Variants in TAF8 observed in about 807,000 individuals in gnomAD.
The protein encoded by TAF8 is TATA-box binding protein associated factor 8.
Under a neutral mutation model 36.5 loss-of-function variants are expected in TAF8, and 47 were observed. The ratio of observed to expected loss-of-function variants is 1.29; its 90% CI spans 1.02 to 1.64. The LOEUF is 1.64. Ranked by LOEUF, TAF8 falls within the 40% of genes most tolerant of loss-of-function variation. The probability of loss-of-function intolerance (pLI) is 0.00; values close to 1 mark genes in which losing one functional copy is unlikely to be tolerated. For missense variants in TAF8, 420 were observed against 407.6 expected, an observed-to-expected ratio of 1.03 and a Z score of -0.26; for synonymous variants, 175 against 159.5, an observed-to-expected ratio of 1.10 and a Z score of -0.73.
chr6:42,078,337 A>T lies in TAF8; in HGVS notation c.*792A>T, dbSNP rs72855258. 79,984 of 985,308 alleles carry T rather than the reference A, an allele frequency of 0.081. 3,424 individuals carry two copies. The highest frequency in any genetic ancestry group is 0.11 in the Middle Eastern group (217 of 1,914). The allele number at this position is 985,308 out of a possible 1,614,324, so 61.0% of individuals were successfully genotyped here. Reference sequence around the variant, plus strand: ...AGGGCTCTTTGCTGCTGTGCTTATTACAAGGAAGACTGTTTGTCCAGCGTG... The same window carrying T: ...AGGGCTCTTTGCTGCTGTGCTTATTTCAAGGAAGACTGTTTGTCCAGCGTG... On this transcript the variant is annotated 3_prime_UTR_variant, in exon 9 of 9. Coordinates refer to ENST00000372977, the MANE Select transcript of TAF8 (RefSeq NM_138572.3).
downstream of TAF8, among the ~76,000 whole-genome samples, chr6:42,086,354 T>G (rs549770764): frequency 1.1e-4 from 16 of 152,352 alleles, 1 homozygote; most frequent in African/African-American, 3.6e-4. Flanking sequence ...TTATTATGAT[T>G]GAGGTGAGCT....
At chr6:42,076,693 T>A (rs1765758930) in intron 7 of TAF8, among the ~76,000 whole-genome samples, 1 of 152,196 alleles carries the variant, frequency 6.6e-6, no homozygotes, top group African/African-American at 2.4e-5. Flanking sequence ...GCTATGCAGA[T>A]GATGTGTTCT....
intron 2 of TAF8, among the ~76,000 whole-genome samples, chr6:42,055,081 G>T (rs1309867416): frequency 6.6e-6 from 1 of 151,832 alleles, no homozygotes; most frequent in East Asian, 1.9e-4. Context: ...CTACCACCAG[G>T]CCTGGCTAAT....
At chr6:42,075,542 A>G (rs955229847) in intron 7 of TAF8, among the ~76,000 whole-genome samples, 4 of 152,146 alleles carry the variant, frequency 2.6e-5, no homozygotes, top group South Asian at 4.1e-4. Flanking sequence ...GGAACCTGCT[A>G]TTTATTTCAT....
In TAF8 at chr6:42,080,695, T is replaced by A. The variant is rs1765897750; in HGVS notation, c.*3150T>A. On this transcript the variant is annotated 3_prime_UTR_variant, in exon 9 of 9. Transcript: ENST00000372977. ...CCTGGCCTCAGAGGCTATACTCTTA[T>A]AATTTTGTTCTGAGGGGAGACAGGG... 2 of 985,320 alleles carry A rather than the reference T, an allele frequency of 2.0e-6. No homozygotes were observed. Among genetic ancestry groups the A allele is most frequent in the South Asian group, 4.7e-5 (1 of 21,284 alleles). 61.0% of individuals were successfully genotyped at this position (985,320 alleles called of 1,614,324 possible).
intron 1 of TAF8, chr6:42,051,140 T>C (rs7770149): frequency 1 from 1,262,651 of 1,268,144 alleles, 628,736 homozygotes; most frequent in East Asian, 1. Context: ...TCATTGGGAC[T>C]GTACGTTTTA....
At chr6:42,084,009 G>A (rs2493840), downstream of TAF8, among the ~76,000 whole-genome samples, 17,007 of 151,656 alleles carry the variant, frequency 0.11, 1,104 homozygotes, top group African/African-American at 0.16. Flanking sequence ...GTGAAACCCC[G>A]TCTCTACTAA....
chr6:42,077,562 G>A lies in TAF8; in HGVS notation c.*17G>A. Reference sequence around the variant, plus strand: ...CTCTCCTGAGCTGAGAAGGAAACCTGGCTTGTACAGGGGCGCAGATTCCAC... The same window carrying A: ...CTCTCCTGAGCTGAGAAGGAAACCTAGCTTGTACAGGGGCGCAGATTCCAC... On this transcript the variant is annotated 3_prime_UTR_variant, in exon 9 of 9. Coordinates refer to ENST00000372977, the MANE Select transcript of TAF8 (RefSeq NM_138572.3). The A allele has an allele frequency of 6.2e-7, 1 of 1,612,468 alleles. No homozygotes were observed. The highest frequency in any genetic ancestry group is 1.7e-4 in the Middle Eastern group (1 of 6,060).
At chr6:42,073,420 C>T (rs1436634841) in intron 7 of TAF8, among the ~76,000 whole-genome samples, 1 of 152,118 alleles carries the variant, frequency 6.6e-6, no homozygotes, top group Non-Finnish European at 1.5e-5. Flanking sequence ...ATACCAAACA[C>T]AATATATGAC....
chr6:42,077,318 C>T (rs575046653), intron 8 of TAF8, 79 bp downstream of exon 8: 18 of 1,541,260 alleles, frequency 1.2e-5, no homozygotes, highest in East Asian at 9.2e-5. Context: ...AGAGTCTCCT[C>T]AGTGGGGCGG....
intron 2 of TAF8, among the ~76,000 whole-genome samples, chr6:42,053,975 C>G (rs1340653249): frequency 6.6e-6 from 1 of 152,140 alleles, no homozygotes; most frequent in Non-Finnish European, 1.5e-5. Flanking sequence ...TTGTTAGACA[C>G]CCTTCCCTGT....
At chr6:42,084,054 G>T (rs1205366181), downstream of TAF8, among the ~76,000 whole-genome samples, 4 of 151,952 alleles carry the variant, frequency 2.6e-5, no homozygotes, top group South Asian at 6.2e-4. Flanking sequence ...GGTGGCGGGT[G>T]CCTGTAGTCC....
chr6:42,051,133 T>C (rs1199406562), intron 1 of TAF8: 9 of 1,278,132 alleles, frequency 7.0e-6, no homozygotes, highest in East Asian at 3.3e-5. Context: ...TTTTATCTCA[T>C]TGGGACTGTA....
intron 5 of TAF8, among the ~76,000 whole-genome samples, chr6:42,062,211 T>C (rs1376389722): frequency 6.6e-6 from 1 of 152,204 alleles, no homozygotes; most frequent in Non-Finnish European, 1.5e-5. Flanking sequence ...AAATTTTATA[T>C]CTCTACCCAG....
At chr6:42,075,963 A>G (rs899513070) in intron 7 of TAF8, among the ~76,000 whole-genome samples, 1 of 152,086 alleles carries the variant, frequency 6.6e-6, no homozygotes, top group Non-Finnish European at 1.5e-5. Flanking sequence ...TAATCCCAGC[A>G]CTTTGGGAAG....
intron 4 of TAF8, among the ~76,000 whole-genome samples, 176 bp from the exon 5 acceptor site, chr6:42,057,213 A>C (rs930645175): frequency 6.6e-6 from 1 of 152,240 alleles, no homozygotes; most frequent in Non-Finnish European, 1.5e-5. Context: ...ATTAGCCAGC[A>C]GGGCTGGGCA....
downstream of TAF8, among the ~76,000 whole-genome samples, chr6:42,083,786 C>T (rs1282967174): frequency 6.6e-6 from 1 of 152,048 alleles, no homozygotes; most frequent in Non-Finnish European, 1.5e-5. Context: ...TTAAGCTGGA[C>T]TTTTACCAAG....
intron 2 of TAF8, among the ~76,000 whole-genome samples, chr6:42,053,211 A>C (rs1203628945): frequency 1.3e-5 from 2 of 152,138 alleles, no homozygotes; most frequent in Non-Finnish European, 2.9e-5. Flanking sequence ...CCTTTATATT[A>C]ATAAACATTG....
chr6:42,064,509 C>A (rs188648999), intron 5 of TAF8, among the ~76,000 whole-genome samples: 1 of 152,230 alleles, frequency 6.6e-6, no homozygotes, highest in Non-Finnish European at 1.5e-5. Context: ...TCCGCCTCGG[C>A]CTCCCAAAGT....
Sources: gnomAD v4.1 joint callset for allele counts (sites outside exome capture counted in the v4.1 genomes callset) on GRCh38, gnomAD v4.1.1 for gene constraint, MANE v1.5 for transcripts, NCBI Gene and HGNC (gene_info 2026-07-23, HGNC 2026-07-21) for gene names.